The following ITGA9 variants were observed in gnomAD, a reference collection of about 807,000 sequenced individuals.
ITGA9 encodes integrin subunit alpha 9, also known as integrin alpha-9.
Under a neutral mutation model 127.8 loss-of-function variants are expected in ITGA9, and 56 were observed. The observed-to-expected ratio is 0.44, with a 90% CI of 0.35 to 0.55. The LOEUF is 0.55. Among genes scored for constraint, ITGA9 ranks in the 20% least tolerant of loss-of-function variants. The pLI, the probability that ITGA9 is intolerant of heterozygous loss-of-function variation, is 0.00. For synonymous variants in ITGA9, 508 were observed against 514.5 expected, an observed-to-expected ratio of 0.99 and a Z score of 0.17; for missense variants, 1,196 against 1,347.1, an observed-to-expected ratio of 0.89 and a Z score of 1.76.
intron 26 of ITGA9, among the ~76,000 whole-genome samples, chr3:37,798,734 C>CAGT (rs777544194): frequency 3.3e-5 from 5 of 152,124 alleles, no homozygotes; most frequent in Non-Finnish European, 5.9e-5. Context: ...GGGTATTAGC[C>CAGT]AGTTTTGTAT....
intron 26 of ITGA9, among the ~76,000 whole-genome samples, chr3:37,801,920 G>C (rs2125561633): frequency 6.6e-6 from 1 of 152,316 alleles, no homozygotes; most frequent in East Asian, 1.9e-4. Context: ...CTGCGGGAAT[G>C]GAGGCAATGA....
At chr3:37,622,615 G>T (rs1700138912) in intron 15 of ITGA9, among the ~76,000 whole-genome samples, 1 of 152,060 alleles carries the variant, frequency 6.6e-6, no homozygotes, top group Non-Finnish European at 1.5e-5. Flanking sequence ...GGCCAAGGCG[G>T]GTAGATCACC....
At chr3:37,768,578 G>T (rs1379470653) in intron 23 of ITGA9, among the ~76,000 whole-genome samples, 4 of 152,134 alleles carry the variant, frequency 2.6e-5, no homozygotes, top group Non-Finnish European at 5.9e-5. Context: ...GATAAGTCAG[G>T]GGGTGGGTCA....
intron 20 of ITGA9, among the ~76,000 whole-genome samples, chr3:37,740,716 G>T (rs533535425): frequency 7.7e-4 from 118 of 152,334 alleles, no homozygotes; most frequent in African/African-American, 2.7e-3. Context: ...GCTGAGAAAT[G>T]CCCGGCATAG....
At chr3:37,749,308 G>A in intron 22 of ITGA9, 1 of 157,194 alleles carries the variant, frequency 6.4e-6, no homozygotes, top group East Asian at 1.8e-4. Context: ...AAGGACTCTT[G>A]TGAGTACAAT....
chr3:37,698,495 T>C (rs1359991600), intron 18 of ITGA9, among the ~76,000 whole-genome samples: 2 of 152,232 alleles, frequency 1.3e-5, no homozygotes, highest in African/African-American at 4.8e-5. Flanking sequence ...TTTTAATCTA[T>C]CTTGAATTAA....
chr3:37,505,908 C>A (rs1371021733), intron 6 of ITGA9, 92 bp from the exon 7 acceptor site: 4 of 910,426 alleles, frequency 4.4e-6, no homozygotes, highest in Non-Finnish European at 7.1e-6. Flanking sequence ...GAGTAGGGAG[C>A]ATGCTTGAGA....
At chr3:37,815,047 G>T (rs938502355) in intron 27 of ITGA9, among the ~76,000 whole-genome samples, 12 of 152,188 alleles carry the variant, frequency 7.9e-5, no homozygotes, top group Non-Finnish European at 8.8e-5. Context: ...GGGGTGGGTG[G>T]GGGTGATTTT....
chr3:37,780,224 G>A (rs1696960636), intron 25 of ITGA9, among the ~76,000 whole-genome samples: 1 of 152,158 alleles, frequency 6.6e-6, no homozygotes, highest in Non-Finnish European at 1.5e-5. Context: ...CTTCTTATAT[G>A]AATATATTGT....
intron 11 of ITGA9, among the ~76,000 whole-genome samples, chr3:37,520,232 C>T (rs1699030096): frequency 6.6e-6 from 1 of 152,128 alleles, no homozygotes; most frequent in South Asian, 2.1e-4. Flanking sequence ...TGCCTCAGAT[C>T]CCCTCTCTAC....
At chr3:37,790,493 C>T (rs969088640) in intron 26 of ITGA9, 4 of 315,872 alleles carry the variant, frequency 1.3e-5, no homozygotes, top group East Asian at 7.8e-5. Flanking sequence ...GGAACACTGG[C>T]ACAGGAAGCC....
At chr3:37,502,927 G>A (rs754412518) in intron 5 of ITGA9, among the ~76,000 whole-genome samples, 1 of 152,196 alleles carries the variant, frequency 6.6e-6, no homozygotes, top group Non-Finnish European at 1.5e-5. Flanking sequence ...GGATAGAATA[G>A]GGGCCTGGCC....
intron 4 of ITGA9, among the ~76,000 whole-genome samples, chr3:37,489,221 C>G (rs1343230287): frequency 6.6e-6 from 1 of 152,190 alleles, no homozygotes; most frequent in East Asian, 1.9e-4. Context: ...CCACATTTAT[C>G]TATTCATCTG....
At chr3:37,551,281 G>C (rs1424193606) in intron 15 of ITGA9, among the ~76,000 whole-genome samples, 1 of 152,124 alleles carries the variant, frequency 6.6e-6, no homozygotes, top group Non-Finnish European at 1.5e-5. Flanking sequence ...CTGTTCGCCA[G>C]CCCCTCTGCA....
chr3:37,707,506 T>G (rs927358685), intron 18 of ITGA9, among the ~76,000 whole-genome samples: 1 of 152,218 alleles, frequency 6.6e-6, no homozygotes, highest in Non-Finnish European at 1.5e-5. Context: ...TGGCCATTTT[T>G]TGTCATGCAT....
chr3:37,716,813 A>T (rs1701140347), intron 18 of ITGA9, among the ~76,000 whole-genome samples: 1 of 152,076 alleles, frequency 6.6e-6, no homozygotes, highest in African/African-American at 2.4e-5. Context: ...AAACAAATAT[A>T]GGAGAAAAGT....
intron 26 of ITGA9, among the ~76,000 whole-genome samples, chr3:37,800,477 CA>C (rs1198200361): frequency 6.6e-6 from 1 of 152,202 alleles, no homozygotes; most frequent in Admixed American, 6.5e-5. Flanking sequence ...CAGTTCCTCA[CA>C]GTTCATCTGT....
chr3:37,803,643 AG>A (rs1209243472), intron 26 of ITGA9, among the ~76,000 whole-genome samples, 179 bp from the exon 27 acceptor site: 1 of 152,140 alleles, frequency 6.6e-6, no homozygotes, highest in Non-Finnish European at 1.5e-5. Context: ...AACATTAGCC[AG>A]GCACCTGTAA....
In ITGA9 at chr3:37,469,005, T is replaced by C. The variant is rs559604947; in HGVS notation, c.186-2002T>C. Among the ~76,000 whole-genome samples the C allele has an allele frequency of 2.0e-5, 3 of 152,332 alleles. No individual in the cohort carries two copies. In the South Asian group the frequency reaches 6.2e-4, roughly 32 times the overall value. On this transcript the variant is annotated intron_variant, in intron 1 of 27. Transcript: ENST00000264741. The stretch of plus-strand genomic sequence containing the variant: ...ACAAACCGTGCCTGATTAGTGTTGT[T>C]TGGTATTCTTTGCTATAGATCTTCT...
Sources: allele counts gnomAD v4.1 joint callset (sites outside exome capture counted in the v4.1 genomes callset), GRCh38; gene constraint gnomAD v4.1.1; transcripts MANE v1.5; gene names NCBI Gene and HGNC (gene_info 2026-07-23, HGNC 2026-07-21).